TRIML1: variants seen among roughly 807,000 people sequenced by gnomAD.
TRIML1 encodes tripartite motif family like 1, also known as probable E3 ubiquitin-protein ligase TRIML1.
Under a neutral mutation model 32.3 loss-of-function variants are expected in TRIML1, and 34 were observed. That is an observed-to-expected ratio of 1.05 (90% CI 0.80 to 1.40). The LOEUF (loss-of-function observed/expected upper bound fraction) is 1.40, where lower values mean the gene tolerates loss of function less well. Among genes scored for constraint, TRIML1 ranks in the 40% most tolerant of loss-of-function variants. The probability of loss-of-function intolerance (pLI) is 0.00; values close to 1 mark genes in which losing one functional copy is unlikely to be tolerated. For synonymous variants in TRIML1, 244 were observed against 226.6 expected (o/e 1.08, Z -0.69); for missense variants, 595 against 574.9 (o/e 1.03, Z -0.36).
chr4:188,149,724 A>T (rs1735200946), downstream of TRIML1, among the ~76,000 whole-genome samples: 1 of 152,148 alleles, frequency 6.6e-6, no homozygotes, highest in Admixed American at 6.6e-5. Context: ...ACGCACAATC[A>T]GAGTTTGAGA....
upstream of TRIML1, among the ~76,000 whole-genome samples, chr4:188,138,237 T>C (rs1734721738): frequency 6.6e-6 from 1 of 152,114 alleles, no homozygotes; most frequent in African/African-American, 2.4e-5. Context: ...AAACTTCTTT[T>C]TCCCAAAGTT....
chr4:188,143,709 T>A, intron 3 of TRIML1, 129 bp from the exon 4 acceptor site: 1 of 1,098,610 alleles, frequency 9.1e-7, no homozygotes, highest in South Asian at 1.3e-5. Context: ...CTGCTCTCTG[T>A]GCTCCCACTC....
upstream of TRIML1, among the ~76,000 whole-genome samples, chr4:188,137,413 C>T (rs571462519): frequency 2.6e-4 from 38 of 148,028 alleles, no homozygotes; most frequent in Non-Finnish European, 4.7e-4. Context: ...AGTGATTCTC[C>T]TGCCTCAGCC....
At chr4:188,140,451 G>T in intron 1 of TRIML1, 77 bp from the exon 2 acceptor site, 1 of 1,154,490 alleles carries the variant, frequency 8.7e-7, no homozygotes. Flanking sequence ...CTAGGACTGC[G>T]CAGTTACTGG....
At chr4:188,148,004 C>G (rs1735152678), downstream of TRIML1, among the ~76,000 whole-genome samples, 1 of 152,200 alleles carries the variant, frequency 6.6e-6, no homozygotes, top group Non-Finnish European at 1.5e-5. Flanking sequence ...ATAATCACAA[C>G]AGGCTGGAAC....
chr4:188,140,111 C>A, intron 1 of TRIML1, 145 bp downstream of exon 1: 17 of 806,006 alleles, frequency 2.1e-5, no homozygotes, highest in Non-Finnish European at 3.1e-5. Context: ...GTCCAGTTTA[C>A]ACCCTTTTTT....
intron 2 of TRIML1, among the ~76,000 whole-genome samples, chr4:188,141,584 A>G (rs1203361645): frequency 6.6e-6 from 1 of 152,126 alleles, no homozygotes; most frequent in Admixed American, 6.6e-5. Flanking sequence ...CACATTTTTC[A>G]TAATTTTTCT....
At chr4:188,144,166 C>G in intron 5 of TRIML1, 33 bp downstream of exon 5, 1 of 1,573,164 alleles carries the variant, frequency 6.4e-7, no homozygotes, top group Non-Finnish European at 8.7e-7. Context: ...CCCTCCGGGG[C>G]TCGAAGAATT....
chr4:188,142,614 T>C (rs1199163946), intron 3 of TRIML1, 132 bp downstream of exon 3: 5 of 681,382 alleles, frequency 7.3e-6, no homozygotes, highest in African/African-American at 3.6e-5. Context: ...TCCTAAAGAA[T>C]TGACATTCTA....
At chr4:188,149,242 G>C (rs1262054584), downstream of TRIML1, among the ~76,000 whole-genome samples, 1 of 151,904 alleles carries the variant, frequency 6.6e-6, no homozygotes, top group Non-Finnish European at 1.5e-5. Flanking sequence ...TAAATGGAAT[G>C]TTCCCTTGCT....
chr4:188,142,463 C>T lies in TRIML1; in HGVS notation c.716C>T (p.Ser239Leu), dbSNP rs368183736. Residue 239 changes from serine to leucine, a missense_variant, in exon 3 of 6, where the codon TCG (serine) becomes TTG (leucine). Coordinates refer to ENST00000332517, the MANE Select transcript of TRIML1 (RefSeq NM_178556.5). ...IAQIESSSQS[S>L]AFESLEEVRG... is the part of the protein sequence containing the mutation. Reference sequence around the variant, plus strand: ...CAGATTGAGTCCTCAAGTCAAAGCTCGGCTTTCGAATCTCTTGAGGTGAGA... The same window carrying T: ...CAGATTGAGTCCTCAAGTCAAAGCTTGGCTTTCGAATCTCTTGAGGTGAGA... 50 of 1,613,450 alleles carry T rather than the reference C, an allele frequency of 3.1e-5. No homozygotes were observed. Among genetic ancestry groups the T allele is most frequent in the Admixed American group, 1.2e-4 (7 of 59,928 alleles).
chr4:188,137,342 T>C (rs1168629656), upstream of TRIML1, among the ~76,000 whole-genome samples: 1 of 128,018 alleles, frequency 7.8e-6, no homozygotes, highest in Non-Finnish European at 1.6e-5. Flanking sequence ...TTTCTCTGTC[T>C]CCCAAGCTGG....
At chr4:188,142,115 CAAA>C (rs34286328) in intron 2 of TRIML1, 134 bp from the exon 3 acceptor site, 21,178 of 458,496 alleles carry the variant, frequency 0.046, 5 homozygotes, top group Middle Eastern at 0.064. Flanking sequence ...GACTCCATCT[CAAA>C]AAAAAAAAAA....
At chr4:188,144,560 C>T (rs1734995360) in intron 5 of TRIML1, among the ~76,000 whole-genome samples, 1 of 144,972 alleles carries the variant, frequency 6.9e-6, no homozygotes. Flanking sequence ...GACGGGGTTT[C>T]ACTGTGTTAG....
Position 188,147,063 on chromosome 4 carries a change from G to A in TRIML1, c.1098G>A (p.Gly366=). 3 of 1,613,384 alleles carry A rather than the reference G, an allele frequency of 1.9e-6. No individual in the cohort carries two copies. Among genetic ancestry groups the A allele is most frequent in the Non-Finnish European group, 2.5e-6 (3 of 1,179,730 alleles). ...GICKDSVSRK[G]NLPKPPGDLF... ...GCAAGGACTCTGTGAGCAGAAAGGG[G>A]AATCTCCCCAAGCCACCTGGGGACC... is the stretch of plus-strand genomic sequence containing the variant. Residue 366 remains glycine, a synonymous_variant, in exon 6 of 6, where the codon GGG becomes GGA. Coordinates refer to ENST00000332517, the MANE Select transcript of TRIML1 (RefSeq NM_178556.5).
chr4:188,139,689 G>T lies in TRIML1; in HGVS notation c.131G>T (p.Trp44Leu). 1.2e-6 allele frequency: 2 copies of T among 1,614,084 alleles called. No individual in the cohort carries two copies. The highest frequency in any genetic ancestry group is 2.2e-5 in the East Asian group (1 of 44,866). Residue 44 changes from tryptophan to leucine, a missense_variant, in exon 1 of 6, where the codon TGG (tryptophan) becomes TTG (leucine). Coordinates refer to ENST00000332517, the MANE Select transcript of TRIML1 (RefSeq NM_178556.5). Reference sequence around the variant, plus strand: ...TGTCTGGTGTGTCTCCTCAGGAGCTGGGAGGAACATAACACACCTTTATCT... The same window carrying T: ...TGTCTGGTGTGTCTCCTCAGGAGCTTGGAGGAACATAACACACCTTTATCT... ...SFCLVCLLRS[W>L]EEHNTPLSCP...
Position 188,139,810 on chromosome 4 carries a change from G to A in TRIML1, c.252G>A (p.Gln84=), listed in dbSNP as rs1734779447. Residue 84 remains glutamine, a synonymous_variant, in exon 1 of 6, where the codon CAG becomes CAA. Coordinates refer to ENST00000332517, the MANE Select transcript of TRIML1 (RefSeq NM_178556.5). ...GCATCGCCAGGCAGCTCCGGTCCCAGGTGCTGCAGAGCGAGGATGAGCAGG... is the reference window on the plus strand; with the variant it reads ...GCATCGCCAGGCAGCTCCGGTCCCAAGTGCTGCAGAGCGAGGATGAGCAGG... ...LASIARQLRS[Q]VLQSEDEQGS... The A allele has an allele frequency of 6.2e-7, 1 of 1,613,972 alleles. No individual in the cohort carries two copies. Among genetic ancestry groups the A allele is most frequent in the Non-Finnish European group, 8.5e-7 (1 of 1,180,032 alleles).
chr4:188,146,625 G>C (rs1735089470), intron 5 of TRIML1, among the ~76,000 whole-genome samples, 197 bp from the exon 6 acceptor site: 1 of 152,094 alleles, frequency 6.6e-6, no homozygotes, highest in South Asian at 2.1e-4. Context: ...GCCCAGGCTG[G>C]TCTTGAACTC....
intron 3 of TRIML1, 142 bp from the exon 4 acceptor site, chr4:188,143,696 T>G: frequency 1.0e-6 from 1 of 978,970 alleles, no homozygotes; most frequent in Non-Finnish European, 1.6e-6. Flanking sequence ...GGGACGCTTT[T>G]CTCTGCTCTC....
Sources: gnomAD v4.1 joint callset for allele counts (sites outside exome capture counted in the v4.1 genomes callset) on GRCh38, gnomAD v4.1.1 for gene constraint, MANE v1.5 for transcripts, NCBI Gene and HGNC (gene_info 2026-07-23, HGNC 2026-07-21) for gene names.